The following DNER variants were observed in gnomAD, a reference collection of about 807,000 sequenced individuals.
DNER encodes the protein delta/notch like EGF repeat containing, also known as delta and Notch-like epidermal growth factor-related receptor.
In DNER, 33 loss-of-function variants were observed where a neutral mutation model predicts 78.2. The ratio of observed to expected loss-of-function variants is 0.42; its 90% CI spans 0.32 to 0.56. DNER has a LOEUF of 0.56. Ranked by LOEUF, DNER falls within the 20% of genes least tolerant of loss-of-function variation. The pLI is 0.11. For missense variants in DNER, 918 were observed against 975.3 expected (o/e 0.94, Z 0.78); for synonymous variants, 417 against 384.8 (o/e 1.08, Z -0.98).
chr2:229,649,554 C>T (rs147820108), intron 1 of DNER, among the ~76,000 whole-genome samples: 13 of 152,180 alleles, frequency 8.5e-5, no homozygotes, highest in Admixed American at 5.9e-4. Flanking sequence ...CGCCAAGATG[C>T]GCACAACTCT....
At chr2:229,578,338 A>C (rs1697337930) in intron 4 of DNER, among the ~76,000 whole-genome samples, 1 of 152,190 alleles carries the variant, frequency 6.6e-6, no homozygotes, top group Non-Finnish European at 1.5e-5. Flanking sequence ...TCAGACAGTA[A>C]CAAAATGGAA....
At chr2:229,625,103 T>C (rs556460965) in intron 1 of DNER, among the ~76,000 whole-genome samples, 2 of 152,330 alleles carry the variant, frequency 1.3e-5, no homozygotes, top group African/African-American at 2.4e-5. Context: ...ATGGTATTTC[T>C]TTAAAATAAA....
chr2:229,550,885 C>A (rs1696722717), intron 4 of DNER, among the ~76,000 whole-genome samples: 3 of 152,208 alleles, frequency 2.0e-5, no homozygotes, highest in African/African-American at 4.8e-5. Flanking sequence ...TACCTAGCAT[C>A]ACCTCATTAA....
At chr2:229,485,547 C>T (rs1695251711) in intron 6 of DNER, among the ~76,000 whole-genome samples, 1 of 152,140 alleles carries the variant, frequency 6.6e-6, no homozygotes, top group South Asian at 2.1e-4. Context: ...AGCATACCAT[C>T]TGAGTGATAT....
At chr2:229,474,487 C>A (rs1694991472) in intron 7 of DNER, among the ~76,000 whole-genome samples, 1 of 152,164 alleles carries the variant, frequency 6.6e-6, no homozygotes, top group Non-Finnish European at 1.5e-5. Flanking sequence ...CAGAGCCTCG[C>A]ATTTTCTCTA....
rs529974701 is a variant in DNER at position 229,564,361 on chromosome 2, C to A, written c.848-17269G>T. Among the ~76,000 whole-genome samples, 20 of 147,852 alleles carry A rather than the reference C, an allele frequency of 1.4e-4. No homozygotes were observed. In the South Asian group the frequency reaches 4.4e-3, roughly 33 times the overall value. On this transcript the variant is annotated intron_variant, in intron 4 of 12. Coordinates refer to ENST00000341772, the MANE Select transcript of DNER (RefSeq NM_139072.4). ...TCACCATCATCATCATCATCCTCACCCCATCACCATCATCATCATCATCAC... is the reference window on the plus strand; with the variant it reads ...TCACCATCATCATCATCATCCTCACACCATCACCATCATCATCATCATCAC...
intron 6 of DNER, among the ~76,000 whole-genome samples, chr2:229,490,085 G>A (rs1243534631): frequency 6.6e-6 from 1 of 152,144 alleles, no homozygotes; most frequent in African/African-American, 2.4e-5. Flanking sequence ...ACATATGGAA[G>A]GAGCAGCAAG....
Position 229,631,228 on chromosome 2 carries a change from G to GA in DNER, c.277-39341dup, listed in dbSNP as rs796459709. On this transcript the variant is annotated intron_variant, in intron 1 of 12. Transcript: ENST00000341772. ...CTTATTTTATTTTCATACCTGCAGG[G>GA]AAAAAAAAAACATTTAAAGACATTG... Among the ~76,000 whole-genome samples the GA allele has an allele frequency of 5.1e-3, 763 of 148,550 alleles. 4 individuals are homozygous for GA. Among genetic ancestry groups the GA allele is most frequent in the African/African-American group, 0.017 (692 of 40,554 alleles).
rs146716226 is a variant in DNER at position 229,458,953 on chromosome 2, T to C, written c.1262-11413A>G. Among the ~76,000 whole-genome samples the C allele has an allele frequency of 1.7e-4, 26 of 152,146 alleles. No homozygotes were observed. The East Asian group carries it at 4.4e-3, about 26-fold the overall frequency. The stretch of plus-strand genomic sequence containing the variant: ...TACAAAGTCAATATACAAAAATCAA[T>C]AGTGTTTCTATACACTAGTAATAAG... On this transcript the variant is annotated intron_variant, in intron 7 of 12. Coordinates refer to ENST00000341772, the MANE Select transcript of DNER (RefSeq NM_139072.4).
At chr2:229,617,484 C>T (rs546426311) in intron 1 of DNER, among the ~76,000 whole-genome samples, 1 of 152,224 alleles carries the variant, frequency 6.6e-6, no homozygotes, top group East Asian at 1.9e-4. Flanking sequence ...CTGAAAAAGG[C>T]TCTTAAAGAC....
chr2:229,422,982 G>A (rs529250796), intron 8 of DNER, among the ~76,000 whole-genome samples: 1 of 152,246 alleles, frequency 6.6e-6, no homozygotes, highest in African/African-American at 2.4e-5. Flanking sequence ...GAGCAAGAAT[G>A]ACCACTGGAC....
intron 8 of DNER, among the ~76,000 whole-genome samples, chr2:229,427,464 T>C (rs1204635686): frequency 1.3e-5 from 2 of 152,176 alleles, no homozygotes; most frequent in African/African-American, 4.8e-5. Context: ...GTGCCTTTAC[T>C]GGGGCGCTTA....
chr2:229,538,177 C>T (rs1696446526), intron 5 of DNER, among the ~76,000 whole-genome samples: 3 of 152,092 alleles, frequency 2.0e-5, no homozygotes, highest in Admixed American at 2.0e-4. Context: ...TCTCAGAGGT[C>T]CACAAAGCAG....
intron 4 of DNER, among the ~76,000 whole-genome samples, chr2:229,548,302 A>C (rs1696662989): frequency 6.6e-6 from 1 of 152,224 alleles, no homozygotes; most frequent in Admixed American, 6.5e-5. Context: ...AAAACCTTTA[A>C]AGTGGCACTA....
chr2:229,492,338 T>C (rs187327585), intron 6 of DNER, among the ~76,000 whole-genome samples: 69 of 152,348 alleles, frequency 4.5e-4, no homozygotes, highest in Non-Finnish European at 8.4e-4. Context: ...CTTTGTTTTG[T>C]TATTCTGAGC....
chr2:229,462,726 G>A lies in DNER; in HGVS notation c.1261+14414C>T, dbSNP rs189278847. On this transcript the variant is annotated intron_variant, in intron 7 of 12. Coordinates refer to ENST00000341772, the MANE Select transcript of DNER (RefSeq NM_139072.4). Reference sequence around the variant, plus strand: ...TTATCATGACTTCCAGTAATTCCTAGAATAAAATTTGACCTCCTTTCCATA... The same window carrying A: ...TTATCATGACTTCCAGTAATTCCTAAAATAAAATTTGACCTCCTTTCCATA... Among the ~76,000 whole-genome samples, 501 of 152,200 alleles carry A rather than the reference G, an allele frequency of 3.3e-3. 3 individuals carry two copies. The highest frequency in any genetic ancestry group is 0.011 in the African/African-American group (476 of 41,466).
intron 11 of DNER, among the ~76,000 whole-genome samples, chr2:229,381,365 G>A (rs763638743): frequency 5.3e-5 from 8 of 152,170 alleles, no homozygotes; most frequent in Non-Finnish European, 1.0e-4. Context: ...CAGACACTGA[G>A]CTAGCTGCAG....
chr2:229,588,528 T>C lies in DNER; in HGVS notation c.586-40A>G, dbSNP rs754821429. The stretch of plus-strand genomic sequence containing the variant: ...AAAAAACGACATATGATTGGGGTTG[T>C]TTATAGTATAACATAATGTGATAAA... On this transcript the variant is annotated intron_variant, in intron 2 of 12. Transcript: ENST00000341772. 3 of 1,574,400 alleles carry C rather than the reference T, an allele frequency of 1.9e-6. No homozygotes were observed. The East Asian group carries it at 6.7e-5, about 35-fold the overall frequency.
At chr2:229,548,717 A>G (rs1276592861) in intron 4 of DNER, among the ~76,000 whole-genome samples, 2 of 152,216 alleles carry the variant, frequency 1.3e-5, no homozygotes, top group Non-Finnish European at 2.9e-5. Context: ...CGTTCTGCAC[A>G]TGTAACCCAC....
Sources: gnomAD v4.1 joint callset for allele counts (sites outside exome capture counted in the v4.1 genomes callset) on GRCh38, gnomAD v4.1.1 for gene constraint, MANE v1.5 for transcripts, NCBI Gene and HGNC (gene_info 2026-07-23, HGNC 2026-07-21) for gene names.